NTF3: variants seen among roughly 807,000 people sequenced by gnomAD.
NTF3 encodes neurotrophin 3.
NTF3 carries 8 observed loss-of-function variants against 26.3 expected under a neutral mutation model. The ratio of observed to expected loss-of-function variants is 0.30; its 90% CI spans 0.18 to 0.55. The LOEUF is 0.55. Ranked by LOEUF, NTF3 falls within the 20% of genes least tolerant of loss-of-function variation. The pLI is 0.93. For missense variants in NTF3, 276 were observed against 352.9 expected (o/e 0.78, Z 1.75); for synonymous variants, 154 against 145.5 (o/e 1.06, Z -0.42).
At chr12:5,470,490 C>T (rs560978253) in intron 1 of NTF3, among the ~76,000 whole-genome samples, 44 of 152,314 alleles carry the variant, frequency 2.9e-4, no homozygotes, top group African/African-American at 7.5e-4. Context: ...AGGGGACATC[C>T]GTGTTCCTGG....
rs577133459 is a variant in NTF3 at position 5,472,262 on chromosome 12, A to G, written c.19-21932A>G. On this transcript the variant is annotated intron_variant, in intron 1 of 1. Transcript: ENST00000423158. ...TGTGACGGGAAGGGAAAGTATAAGC[A>G]GGCAGCTCGTGCGCATGAGCATTTG... Among the ~76,000 whole-genome samples the G allele has an allele frequency of 2.6e-5, 4 of 152,328 alleles. No individual in the cohort carries two copies. In the East Asian group the frequency reaches 7.7e-4, roughly 29 times the overall value.
At chr12:5,492,848 G>C (rs1345201281) in intron 1 of NTF3, among the ~76,000 whole-genome samples, 2 of 152,216 alleles carry the variant, frequency 1.3e-5, no homozygotes, top group African/African-American at 2.4e-5. Flanking sequence ...ATAGGTGCTG[G>C]TTAGCAGGAC....
intron 1 of NTF3, among the ~76,000 whole-genome samples, chr12:5,435,870 G>A (rs540510557): frequency 3.9e-5 from 6 of 152,328 alleles, no homozygotes; most frequent in African/African-American, 1.2e-4. Flanking sequence ...CTGGAGTAAC[G>A]TAACTGGGAG....
At chr12:5,440,350 G>T (rs1391684253) in intron 1 of NTF3, among the ~76,000 whole-genome samples, 1 of 152,086 alleles carries the variant, frequency 6.6e-6, no homozygotes, top group African/African-American at 2.4e-5. Context: ...TTTAAAAACT[G>T]ATAGCCAGGT....
At position 5,437,110 on chromosome 12, in the gene NTF3, C is replaced by G. The variant is rs560704228; in HGVS notation, c.18+4768C>G. On this transcript the variant is annotated intron_variant, in intron 1 of 1. Coordinates refer to ENST00000423158, the MANE Select transcript of NTF3 (RefSeq NM_001102654.2). ...AGCAAGTTGGGTACAGCCACTTTCC[C>G]CAGAGATGAAGATGGAGTCGTAGAG... is the stretch of plus-strand genomic sequence containing the variant. Among the ~76,000 whole-genome samples, 23 of 152,258 alleles carry G rather than the reference C, an allele frequency of 1.5e-4. No individual in the cohort carries two copies. In the South Asian group the frequency reaches 4.8e-3, roughly 32 times the overall value.
intron 1 of NTF3, among the ~76,000 whole-genome samples, chr12:5,478,253 A>C (rs1297577943): frequency 1.2e-4 from 18 of 152,210 alleles, no homozygotes; most frequent in African/African-American, 4.1e-4. Flanking sequence ...TAGAGTGCAA[A>C]ATGAGGTCCA....
intron 1 of NTF3, among the ~76,000 whole-genome samples, chr12:5,453,592 T>C (rs1422652199): frequency 6.6e-6 from 1 of 152,262 alleles, no homozygotes; most frequent in East Asian, 1.9e-4. Context: ...AGAAATCTCT[T>C]TGATCCATGT....
chr12:5,484,584 G>A (rs1473581829), intron 1 of NTF3, among the ~76,000 whole-genome samples: 1 of 152,088 alleles, frequency 6.6e-6, no homozygotes, highest in African/African-American at 2.4e-5. Flanking sequence ...TGATTACATT[G>A]TAAAAGGGCC....
chr12:5,495,206 T>C lies in NTF3; in HGVS notation c.*218T>C. 1 of 546,118 alleles carries C rather than the reference T, an allele frequency of 1.8e-6. No homozygotes were observed. The highest frequency in any genetic ancestry group is 3.3e-6 in the Non-Finnish European group (1 of 304,380). 33.8% of individuals were successfully genotyped at this position (546,118 alleles called of 1,614,324 possible). The stretch of plus-strand genomic sequence containing the variant: ...TAAAACTTGTTTTGTGATCCGGCTC[T>C]CAGGAGTCACTCTGTAAAATCTGTG... On this transcript the variant is annotated 3_prime_UTR_variant, in exon 2 of 2. Coordinates refer to ENST00000423158, the MANE Select transcript of NTF3 (RefSeq NM_001102654.2).
intron 1 of NTF3, 137 bp downstream of exon 1, chr12:5,432,479 A>C (rs1371999160): frequency 3.0e-6 from 3 of 985,768 alleles, no homozygotes; most frequent in Admixed American, 4.4e-5. Context: ...GCGCTCACTC[A>C]CTTTCCCGGG....
chr12:5,472,691 C>A (rs1037565555), intron 1 of NTF3, among the ~76,000 whole-genome samples: 5 of 152,184 alleles, frequency 3.3e-5, no homozygotes, highest in African/African-American at 4.8e-5. Context: ...GCTGGTCTCT[C>A]TTCTCATTTG....
rs76545808 is a variant in NTF3 at position 5,451,416 on chromosome 12, C to T, written c.18+19074C>T. ...TGCCAGAAGTACCACACTCTTGCAC[C>T]CAGCCAGTGGGAAGTGGAAAGATAA... On this transcript the variant is annotated intron_variant, in intron 1 of 1. Transcript: ENST00000423158. Among the ~76,000 whole-genome samples, 1,380 of 152,290 alleles carry T rather than the reference C, an allele frequency of 9.1e-3. 25 individuals are homozygous for T. Among genetic ancestry groups the T allele is most frequent in the African/African-American group, 0.031 (1,305 of 41,554 alleles).
chr12:5,461,337 C>T (rs749885684), intron 1 of NTF3, among the ~76,000 whole-genome samples: 17 of 152,162 alleles, frequency 1.1e-4, no homozygotes, highest in Non-Finnish European at 2.2e-4. Flanking sequence ...GTCCTCCATG[C>T]AGCAAAACAT....
chr12:5,431,150 C>T (rs1435535040), upstream of NTF3, among the ~76,000 whole-genome samples: 1 of 152,118 alleles, frequency 6.6e-6, no homozygotes, highest in Non-Finnish European at 1.5e-5. Context: ...ATGTATCCAC[C>T]GGTGGGGAAG....
intron 1 of NTF3, among the ~76,000 whole-genome samples, chr12:5,455,007 T>C (rs1940420866): frequency 6.6e-6 from 1 of 152,148 alleles, no homozygotes; most frequent in Non-Finnish European, 1.5e-5. Flanking sequence ...GGGAGGTGGA[T>C]GGGTGCTCTC....
intron 1 of NTF3, among the ~76,000 whole-genome samples, chr12:5,439,565 G>C (rs1443239351): frequency 6.6e-6 from 1 of 152,228 alleles, no homozygotes; most frequent in Non-Finnish European, 1.5e-5. Context: ...TGGCAAGCAT[G>C]TGTCAGATCT....
intron 1 of NTF3, among the ~76,000 whole-genome samples, chr12:5,461,982 A>G (rs948520223): frequency 6.6e-6 from 1 of 152,236 alleles, no homozygotes; most frequent in Non-Finnish European, 1.5e-5. Context: ...ATTTTAAAAG[A>G]ATGTGGTAGA....
intron 1 of NTF3, among the ~76,000 whole-genome samples, chr12:5,459,086 T>C (rs1940492279): frequency 6.6e-6 from 1 of 152,230 alleles, no homozygotes; most frequent in Non-Finnish European, 1.5e-5. Context: ...TTGGCTTTCC[T>C]TTCTGTCTCC....
intron 1 of NTF3, among the ~76,000 whole-genome samples, chr12:5,483,629 G>T (rs141456392): frequency 2.4e-3 from 367 of 152,352 alleles, no homozygotes; most frequent in Non-Finnish European, 4.3e-3. Flanking sequence ...ATGAAAGAAT[G>T]ATTTATAGTC....
Sources: gnomAD v4.1 joint callset for allele counts (sites outside exome capture counted in the v4.1 genomes callset) on GRCh38, gnomAD v4.1.1 for gene constraint, MANE v1.5 for transcripts, NCBI Gene and HGNC (gene_info 2026-07-23, HGNC 2026-07-21) for gene names.